Variants in TNS3 observed in about 807,000 individuals in gnomAD.
TNS3 encodes the protein tensin 3.
In TNS3, 45 loss-of-function variants were observed where a neutral mutation model predicts 140.9. The observed-to-expected ratio is 0.32, with a 90% CI of 0.25 to 0.41. The LOEUF (loss-of-function observed/expected upper bound fraction) is 0.41. Among genes scored for constraint, TNS3 ranks in the 10% least tolerant of loss-of-function variants. The pLI is 1.00. For missense variants in TNS3, 1,716 were observed against 1,906.7 expected (o/e 0.90, Z 1.86); for synonymous variants, 815 against 788.4 (o/e 1.03, Z -0.56).
chr7:47,496,803 C>G (rs556033994), intron 3 of TNS3, among the ~76,000 whole-genome samples: 1 of 152,230 alleles, frequency 6.6e-6, no homozygotes, highest in African/African-American at 2.4e-5. Flanking sequence ...GCCCTAGGCC[C>G]AGATACCCTG....
In TNS3 at chr7:47,275,871, C is replaced by T. The variant is rs1388139362; in HGVS notation, c.*2205G>A. On this transcript the variant is annotated 3_prime_UTR_variant, in exon 31 of 31. Transcript: ENST00000311160. Reference sequence around the variant, plus strand: ...ATGGCTTCATGAGGGCCATCGCGGGCACCCCGATGTCTCTGTGATTCCCTG... The same window carrying T: ...ATGGCTTCATGAGGGCCATCGCGGGTACCCCGATGTCTCTGTGATTCCCTG... 2 of 456,048 alleles carry T rather than the reference C, an allele frequency of 4.4e-6. No homozygotes were observed. The highest frequency in any genetic ancestry group is 1.4e-4 in the East Asian group (2 of 14,376). 28.3% of individuals were successfully genotyped at this position (456,048 alleles called of 1,614,324 possible).
At chr7:47,342,455 T>C (rs1227732835) in intron 20 of TNS3, among the ~76,000 whole-genome samples, 1 of 152,228 alleles carries the variant, frequency 6.6e-6, no homozygotes, top group Non-Finnish European at 1.5e-5. Context: ...GCAGGTACTA[T>C]AGTCTGCATT....
intron 4 of TNS3, among the ~76,000 whole-genome samples, chr7:47,463,000 A>G (rs1796551903): frequency 6.6e-6 from 1 of 152,168 alleles, no homozygotes; most frequent in Admixed American, 6.5e-5. Flanking sequence ...ATGCCTAATC[A>G]ATTACAGTTG....
At chr7:47,420,339 C>G (rs1299712877) in intron 10 of TNS3, among the ~76,000 whole-genome samples, 1 of 152,092 alleles carries the variant, frequency 6.6e-6, no homozygotes, top group African/African-American at 2.4e-5. Context: ...GCAGCTGGTG[C>G]CAGGAGGAGG....
chr7:47,305,626 G>A (rs1786706758), intron 20 of TNS3, among the ~76,000 whole-genome samples: 1 of 152,234 alleles, frequency 6.6e-6, no homozygotes, highest in African/African-American at 2.4e-5. Context: ...CCACACCGTG[G>A]GGTGCAGAAG....
intron 4 of TNS3, among the ~76,000 whole-genome samples, chr7:47,480,015 T>A (rs1195832841): frequency 1.3e-5 from 2 of 152,226 alleles, no homozygotes; most frequent in Non-Finnish European, 2.9e-5. Flanking sequence ...GCCCAGCCAC[T>A]GGAGCCAGGA....
At chr7:47,582,345 T>C (rs926493780), upstream of TNS3, 7 of 442,626 alleles carry the variant, frequency 1.6e-5, no homozygotes, top group Admixed American at 4.9e-5. Context: ...AGAGAGGACC[T>C]GGAATTATCA....
At chr7:47,377,738 C>CCTCCCTTTCCTCCTCCTTCTCCTT in intron 16 of TNS3, among the ~76,000 whole-genome samples, 1 of 150,656 alleles carries the variant, frequency 6.6e-6, no homozygotes, top group Non-Finnish European at 1.5e-5. Context: ...TCCTTCTCCT[C>CCTCCCTTTCCTCCTCCTTCTCCTT]CTCCCTTTCC....
At chr7:47,471,140 G>A (rs191827792) in intron 4 of TNS3, among the ~76,000 whole-genome samples, 7 of 152,228 alleles carry the variant, frequency 4.6e-5, no homozygotes, top group Admixed American at 2.6e-4. Flanking sequence ...TATTTTAGGC[G>A]TGAGAGGAGA....
At chr7:47,498,037 G>T (rs929608675) in intron 3 of TNS3, among the ~76,000 whole-genome samples, 4 of 152,138 alleles carry the variant, frequency 2.6e-5, no homozygotes, top group African/African-American at 9.7e-5. Flanking sequence ...ACAACATCCC[G>T]CAGGGTGGAG....
rs563389909 is a variant in TNS3 at position 47,325,784 on chromosome 7, T to C, written c.2650+18971A>G. On this transcript the variant is annotated intron_variant, in intron 20 of 30. Coordinates refer to ENST00000311160, the MANE Select transcript of TNS3 (RefSeq NM_022748.12). ...CTGACAGCAGTAAGACCACCTTCCA[T>C]GCATCACACCCACCAGGCTTCCTGT... Among the ~76,000 whole-genome samples the C allele has an allele frequency of 3.9e-5, 6 of 152,292 alleles. No homozygotes were observed. In the East Asian group the frequency reaches 9.6e-4, roughly 24 times the overall value.
At chr7:47,512,912 T>C (rs184604975) in intron 2 of TNS3, among the ~76,000 whole-genome samples, 1 of 152,292 alleles carries the variant, frequency 6.6e-6, no homozygotes, top group Non-Finnish European at 1.5e-5. Flanking sequence ...AATGAAAAGA[T>C]GAGTAGATCT....
intron 26 of TNS3, 136 bp from the exon 27 acceptor site, chr7:47,292,168 T>C (rs763015196): frequency 3.7e-6 from 3 of 802,580 alleles, no homozygotes; most frequent in Non-Finnish European, 5.9e-6. Flanking sequence ...GAGTTTCTCT[T>C]TGGGACAATA....
In TNS3 at chr7:47,477,990, G is replaced by A. The variant is rs1392227750; in HGVS notation, c.-76+3113C>T. On this transcript the variant is annotated intron_variant, in intron 4 of 30. Transcript: ENST00000311160. ...AGGAAGACAGCACTGCCCTGTTTAG[G>A]GGAGAAAGCTCCATGCAAAATAAAG... is the stretch of plus-strand genomic sequence containing the variant. Among the ~76,000 whole-genome samples, 4 of 152,268 alleles carry A rather than the reference G, an allele frequency of 2.6e-5. No individual in the cohort carries two copies. The East Asian group carries it at 5.8e-4, about 22-fold the overall frequency.
chr7:47,495,068 G>A (rs1203253602), intron 3 of TNS3, among the ~76,000 whole-genome samples: 1 of 151,860 alleles, frequency 6.6e-6, no homozygotes, highest in East Asian at 1.9e-4. Flanking sequence ...CCCGGCGCCT[G>A]TAGTCCCAGC....
intron 18 of TNS3, 140 bp downstream of exon 18, chr7:47,346,047 C>G (rs1275124571): frequency 8.6e-7 from 1 of 1,159,972 alleles, no homozygotes; most frequent in African/African-American, 1.5e-5. Flanking sequence ...ATTTGTGAAA[C>G]CAGGACGGAA....
intron 16 of TNS3, 146 bp from the exon 17 acceptor site, chr7:47,369,767 A>G (rs1790945912): frequency 2.1e-6 from 2 of 974,768 alleles, no homozygotes; most frequent in East Asian, 5.3e-5. Flanking sequence ...TTCCTCTAAC[A>G]TCACAAAGTT....
chr7:47,405,587 T>C, intron 13 of TNS3: 1 of 702,996 alleles, frequency 1.4e-6, no homozygotes, highest in Non-Finnish European at 2.6e-6. Flanking sequence ...TGGGTAAATA[T>C]TGGCTGCAAA....
At chr7:47,470,542 ATACTT>A in intron 4 of TNS3, 1 of 985,390 alleles carries the variant, frequency 1.0e-6, no homozygotes, top group South Asian at 4.7e-5. Context: ...CCACACGACA[ATACTT>A]CAGCCAAAGG....
Sources: gnomAD v4.1 joint callset for allele counts (sites outside exome capture counted in the v4.1 genomes callset) on GRCh38, gnomAD v4.1.1 for gene constraint, MANE v1.5 for transcripts, NCBI Gene and HGNC (gene_info 2026-07-23, HGNC 2026-07-21) for gene names.